Variants in LRRC4C observed in about 807,000 individuals in gnomAD.
LRRC4C encodes leucine-rich repeat-containing protein 4C.
LRRC4C carries 5 observed loss-of-function variants against 33.6 expected under a neutral mutation model. The observed-to-expected ratio is 0.15, with a 90% CI of 0.08 to 0.31. The LOEUF (loss-of-function observed/expected upper bound fraction) is 0.31, where lower values mean the gene tolerates loss of function less well. LRRC4C is among the 10% of genes least tolerant of loss of function. LRRC4C has a pLI of 1.00. For missense variants in LRRC4C, 560 were observed against 796.7 expected (o/e 0.70, Z 3.58); for synonymous variants, 329 against 302.0 (o/e 1.09, Z -0.93).
intron 1 of LRRC4C, among the ~76,000 whole-genome samples, chr11:40,994,950 T>C (rs1038179574): frequency 3.9e-5 from 6 of 152,100 alleles, no homozygotes; most frequent in Admixed American, 3.9e-4. Flanking sequence ...AACCATAAAA[T>C]GTGACTTCTT....
At chr11:40,473,461 A>G (rs1210008624) in intron 3 of LRRC4C, among the ~76,000 whole-genome samples, 1 of 152,172 alleles carries the variant, frequency 6.6e-6, no homozygotes, top group African/African-American at 2.4e-5. Flanking sequence ...TTAAAATAAT[A>G]AGAGCTATTT....
chr11:41,228,641 T>G (rs1947648664), intron 1 of LRRC4C, among the ~76,000 whole-genome samples: 1 of 152,296 alleles, frequency 6.6e-6, no homozygotes, highest in East Asian at 1.9e-4. Flanking sequence ...TTCTGAAGAT[T>G]GATATCTTTT....
At chr11:40,280,277 C>T (rs1026503330) in intron 4 of LRRC4C, among the ~76,000 whole-genome samples, 4 of 152,152 alleles carry the variant, frequency 2.6e-5, no homozygotes, top group African/African-American at 9.7e-5. Flanking sequence ...AGTCTCTGTC[C>T]CTTCTTGGCT....
chr11:40,903,468 T>C (rs547406405), intron 2 of LRRC4C, among the ~76,000 whole-genome samples: 21 of 152,326 alleles, frequency 1.4e-4, no homozygotes, highest in African/African-American at 5.0e-4. Context: ...CAAGTCTTGT[T>C]AATTAAGAAA....
chr11:41,025,223 G>C (rs1392722843), intron 1 of LRRC4C, among the ~76,000 whole-genome samples: 1 of 151,624 alleles, frequency 6.6e-6, no homozygotes, highest in East Asian at 1.9e-4. Flanking sequence ...AAAACTAGAA[G>C]TGATTAAACT....
intron 1 of LRRC4C, among the ~76,000 whole-genome samples, chr11:41,050,595 A>T (rs182035848): frequency 3.3e-5 from 5 of 152,280 alleles, no homozygotes; most frequent in Admixed American, 2.0e-4. Context: ...TTCCAGCTTC[A>T]TCCTTGTCCC....
At chr11:40,149,413 G>C (rs890593908) in intron 5 of LRRC4C, among the ~76,000 whole-genome samples, 2 of 152,086 alleles carry the variant, frequency 1.3e-5, no homozygotes, top group South Asian at 2.1e-4. Context: ...TCCCTGGTTA[G>C]CTGTATTCCT....
At chr11:41,387,751 C>T (rs1953417751) in intron 1 of LRRC4C, among the ~76,000 whole-genome samples, 1 of 151,688 alleles carries the variant, frequency 6.6e-6, no homozygotes, top group African/African-American at 2.4e-5. Context: ...TAGACACCAC[C>T]CGACACCCAT....
At chr11:40,911,558 T>A (rs1956689689) in intron 2 of LRRC4C, among the ~76,000 whole-genome samples, 1 of 151,958 alleles carries the variant, frequency 6.6e-6, no homozygotes, top group African/African-American at 2.4e-5. Context: ...ATCACCATCA[T>A]CAAAGACCAA....
At chr11:40,952,896 A>ACACACTCTCT (rs1156767689) in intron 1 of LRRC4C, among the ~76,000 whole-genome samples, 3 of 70,160 alleles carry the variant, frequency 4.3e-5, no homozygotes, top group African/African-American at 1.5e-4. Flanking sequence ...ACACACACAC[A>ACACACTCTCT]CTCTCTCTCT....
intron 1 of LRRC4C, among the ~76,000 whole-genome samples, chr11:41,312,216 G>A (rs181219355): frequency 3.0e-4 from 45 of 152,186 alleles, no homozygotes; most frequent in African/African-American, 1.0e-3. Flanking sequence ...GCCTACCTAA[G>A]TTTCTATATT....
intron 5 of LRRC4C, among the ~76,000 whole-genome samples, chr11:40,235,684 T>G (rs945771138): frequency 6.6e-6 from 1 of 152,174 alleles, no homozygotes; most frequent in African/African-American, 2.4e-5. Flanking sequence ...CTTCCCTCCA[T>G]ACATATCAAC....
chr11:40,128,709 G>A (rs1321352016), intron 6 of LRRC4C, among the ~76,000 whole-genome samples: 1 of 151,852 alleles, frequency 6.6e-6, no homozygotes, highest in Non-Finnish European at 1.5e-5. Context: ...TTGGCCTTTC[G>A]TGGTTTCTCA....
intron 2 of LRRC4C, among the ~76,000 whole-genome samples, chr11:40,874,251 G>A (rs907408230): frequency 6.6e-6 from 1 of 152,192 alleles, no homozygotes; most frequent in Non-Finnish European, 1.5e-5. Flanking sequence ...GAATCAAGAT[G>A]TATAGGGTTT....
At chr11:41,157,742 A>G (rs776563366) in intron 1 of LRRC4C, among the ~76,000 whole-genome samples, 7 of 152,020 alleles carry the variant, frequency 4.6e-5, no homozygotes, top group Non-Finnish European at 5.9e-5. Context: ...TTTTTATTTA[A>G]GCTTTACGTT....
chr11:40,856,500 T>G (rs1475190387), intron 2 of LRRC4C, among the ~76,000 whole-genome samples: 1 of 152,248 alleles, frequency 6.6e-6, no homozygotes, highest in Non-Finnish European at 1.5e-5. Flanking sequence ...GGAATTCGCA[T>G]AGATTCCTTA....
chr11:40,236,020 A>G (rs1317060475), intron 5 of LRRC4C, among the ~76,000 whole-genome samples: 1 of 152,120 alleles, frequency 6.6e-6, no homozygotes, highest in East Asian at 1.9e-4. Flanking sequence ...CAACAGAGAA[A>G]GAGCTACCAG....
At chr11:41,058,422 G>C (rs777891233) in intron 1 of LRRC4C, among the ~76,000 whole-genome samples, 3 of 152,214 alleles carry the variant, frequency 2.0e-5, no homozygotes, top group East Asian at 1.9e-4. Flanking sequence ...ACCCCTTACT[G>C]TTCCATGCCT....
chr11:40,229,331 AG>A (rs1466562108), intron 5 of LRRC4C, among the ~76,000 whole-genome samples: 2 of 151,988 alleles, frequency 1.3e-5, no homozygotes, highest in African/African-American at 4.8e-5. Flanking sequence ...GGAGTGCAGT[AG>A]CGTGATCTCA....
Sources: gnomAD v4.1 joint callset for allele counts (sites outside exome capture counted in the v4.1 genomes callset) on GRCh38, gnomAD v4.1.1 for gene constraint, MANE v1.5 for transcripts, NCBI Gene and HGNC (gene_info 2026-07-23, HGNC 2026-07-21) for gene names.